The following SERPINE2 variants were observed in gnomAD, a reference collection of about 807,000 sequenced individuals.
The protein encoded by SERPINE2 is serpin family E member 2.
A neutral mutation model predicts 36.3 loss-of-function variants in SERPINE2; 14 were observed. That is an observed-to-expected ratio of 0.39 (90% CI 0.25 to 0.60). The LOEUF is 0.60. SERPINE2 is among the 20% of genes least tolerant of loss of function. SERPINE2 has a pLI of 0.57. For missense variants in SERPINE2, 418 were observed against 499.6 expected (o/e 0.84, Z 1.56); for synonymous variants, 192 against 191.8 (o/e 1.00, Z -0.01).
intron 1 of SERPINE2, among the ~76,000 whole-genome samples, chr2:224,003,435 C>T (rs187582996): frequency 1.3e-5 from 2 of 152,216 alleles, no homozygotes; most frequent in East Asian, 3.9e-4. Context: ...GATTCTTTTA[C>T]CATAAGCACA....
rs754724001 is a variant in SERPINE2 at position 223,980,808 on chromosome 2, A to G, written c.986-411T>C. The G allele has an allele frequency of 3.4e-4, 63 of 183,114 alleles. No individual in the cohort carries two copies. The Middle Eastern group carries it at 0.015, about 43-fold the overall frequency. The allele number at this position is 183,114 out of a possible 1,614,324, so 11.3% of individuals were successfully genotyped here. On this transcript the variant is annotated intron_variant, in intron 6 of 8. Transcript: ENST00000409304. ...TTTCAGACAGCATTTACAGATGGGG[A>G]AACTGAGGCCTAGAACGTTAAGTAA...
intron 1 of SERPINE2, among the ~76,000 whole-genome samples, chr2:224,025,176 T>C (rs890994057): frequency 5.3e-5 from 8 of 152,182 alleles, no homozygotes; most frequent in Admixed American, 3.9e-4. Flanking sequence ...ACCACAAGAC[T>C]GGCACGGCCA....
chr2:223,989,179 A>G (rs564560711), intron 4 of SERPINE2, among the ~76,000 whole-genome samples: 1 of 152,196 alleles, frequency 6.6e-6, no homozygotes, highest in Non-Finnish European at 1.5e-5. Flanking sequence ...AAAAGTTTCT[A>G]CCCTTGAAGT....
chr2:223,976,359 C>A (rs993903278), intron 8 of SERPINE2, among the ~76,000 whole-genome samples: 1 of 152,164 alleles, frequency 6.6e-6, no homozygotes, highest in African/African-American at 2.4e-5. Context: ...GCCATGTTGG[C>A]CAGGCTGGTC....
At chr2:224,014,111 A>G (rs982213198) in intron 1 of SERPINE2, among the ~76,000 whole-genome samples, 1 of 152,248 alleles carries the variant, frequency 6.6e-6, no homozygotes, top group African/African-American at 2.4e-5. Context: ...GAGGTGGCTC[A>G]TGCCTGTAAT....
intron 3 of SERPINE2, 64 bp downstream of exon 3, chr2:223,998,051 C>G: frequency 7.4e-7 from 1 of 1,345,518 alleles, no homozygotes; most frequent in Non-Finnish European, 1.1e-6. Flanking sequence ...ACTTTGAACC[C>G]TGGAGTCTAA....
At chr2:224,018,886 C>G (rs979853884) in intron 1 of SERPINE2, among the ~76,000 whole-genome samples, 2 of 152,216 alleles carry the variant, frequency 1.3e-5, no homozygotes, top group African/African-American at 4.8e-5. Flanking sequence ...CCCAAGCCAC[C>G]AACATCTCCG....
At chr2:224,004,581 G>T (rs558887915) in intron 1 of SERPINE2, among the ~76,000 whole-genome samples, 2 of 152,132 alleles carry the variant, frequency 1.3e-5, no homozygotes, top group Admixed American at 1.3e-4. Context: ...TTTGGAGAGC[G>T]TCCAAATCAT....
chr2:223,978,938 G>A (rs983453789), intron 7 of SERPINE2: 9 of 152,060 alleles, frequency 5.9e-5, no homozygotes, highest in Admixed American at 4.6e-4. Flanking sequence ...AAGTGGGAGA[G>A]ACACCAGGGA....
chr2:224,028,624 T>C (rs1043114266), intron 1 of SERPINE2, among the ~76,000 whole-genome samples: 1 of 152,222 alleles, frequency 6.6e-6, no homozygotes, highest in African/African-American at 2.4e-5. Context: ...TCTACACACC[T>C]GAATCTCATT....
intron 8 of SERPINE2, among the ~76,000 whole-genome samples, chr2:223,977,020 G>A (rs1438611189): frequency 6.6e-6 from 1 of 152,068 alleles, no homozygotes; most frequent in Non-Finnish European, 1.5e-5. Context: ...CACTTCACTC[G>A]GCTCTCATTC....
intron 1 of SERPINE2, among the ~76,000 whole-genome samples, chr2:224,005,065 T>TTTA (rs1553547021): frequency 1.5e-4 from 5 of 33,572 alleles, no homozygotes; most frequent in South Asian, 8.7e-4. Context: ...TTTATATATA[T>TTTA]TATATATATA....
At chr2:223,988,608 T>C (rs923137552) in intron 4 of SERPINE2, among the ~76,000 whole-genome samples, 7 of 152,210 alleles carry the variant, frequency 4.6e-5, no homozygotes, top group East Asian at 1.9e-4. Context: ...ATGTTTTTTT[T>C]CCAAAATAAA....
chr2:224,025,181 C>T (rs1283594738), intron 1 of SERPINE2, among the ~76,000 whole-genome samples: 3 of 152,208 alleles, frequency 2.0e-5, no homozygotes, highest in Non-Finnish European at 2.9e-5. Context: ...AAGACTGGCA[C>T]GGCCAAGGGC....
chr2:223,982,755 A>C lies in SERPINE2; in HGVS notation c.911T>G (p.Leu304Trp), dbSNP rs1252697259. ...PKFTAVAQTDLKEPLKVLGIT... is the reference protein window; with the variant it reads ...PKFTAVAQTDWKEPLKVLGIT... ...GCCAAGAACTTTCAGCGGCTCCTTC[A>C]AATCTGTTTGTGCTACAGCTGTGAA... The change falls in exon 6 of 9, where the codon TTG (leucine) becomes TGG (tryptophan). Residue 304 changes from leucine to tryptophan, a missense_variant. By Grantham distance (61) the Leu-to-Trp change is moderately conservative. Transcript: ENST00000409304. 1.2e-6 allele frequency: 2 copies of C among 1,613,890 alleles called. No homozygotes were observed. The highest frequency in any genetic ancestry group is 8.5e-7 in the Non-Finnish European group (1 of 1,179,932).
intron 3 of SERPINE2, among the ~76,000 whole-genome samples, chr2:223,993,552 GTGTGTGTA>G (rs1690759987): frequency 6.6e-6 from 1 of 150,778 alleles, no homozygotes; most frequent in African/African-American, 2.4e-5. Flanking sequence ...GTGTGTGTGT[GTGTGTGTA>G]TGTGTGTATG....
chr2:224,005,067 A>ATATATTTATATATATATATATATATT, intron 1 of SERPINE2, among the ~76,000 whole-genome samples: 1 of 8,218 alleles, frequency 1.2e-4, no homozygotes, highest in Non-Finnish European at 3.3e-4. Flanking sequence ...TATATATATT[A>ATATATTTATATATATATATATATATT]TATATATATA....
intron 8 of SERPINE2, among the ~76,000 whole-genome samples, chr2:223,976,848 CTG>C (rs768656286): frequency 6.6e-6 from 1 of 152,210 alleles, no homozygotes; most frequent in Non-Finnish European, 1.5e-5. Context: ...TGGTTTGGCT[CTG>C]TGTCTCCACT....
In SERPINE2 at chr2:223,984,765, C is replaced by A. The variant is rs186094760; in HGVS notation, c.871G>T (p.Val291Leu). ...GGGGCCACTTACTTGGGCAGGATCA[C>A]CTGCACCCTCTTGGGCACCATGATG... ...MSIMVPKRVQ[V>L]ILPKFTAVAQ... Residue 291 changes from valine to leucine, a missense_variant, in exon 5 of 9, where the codon GTG becomes TTG. Val to Leu is a conservative substitution (Grantham distance 32, BLOSUM62 1). Coordinates refer to ENST00000409304, the MANE Select transcript of SERPINE2 (RefSeq NM_001136528.2). 8.7e-5 allele frequency: 140 copies of A among 1,612,574 alleles called. 1 individual carries two copies. The highest frequency in any genetic ancestry group is 5.9e-4 in the Middle Eastern group (3 of 5,060).
Sources: gnomAD v4.1 joint callset for allele counts (sites outside exome capture counted in the v4.1 genomes callset) on GRCh38, gnomAD v4.1.1 for gene constraint, MANE v1.5 for transcripts, NCBI Gene and HGNC (gene_info 2026-07-23, HGNC 2026-07-21) for gene names.